Variants in KCNMB2 observed in about 807,000 individuals in gnomAD.
KCNMB2 encodes potassium calcium-activated channel subfamily M regulatory beta subunit 2.
KCNMB2 carries 9 observed loss-of-function variants against 24.5 expected under a neutral mutation model. The ratio of observed to expected loss-of-function variants is 0.37; its 90% CI spans 0.22 to 0.64. KCNMB2 has a LOEUF of 0.64. Ranked by LOEUF, KCNMB2 falls within the 30% of genes least tolerant of loss-of-function variation. The pLI is 0.63. For synonymous variants in KCNMB2, 109 were observed against 104.4 expected, an observed-to-expected ratio of 1.04 and a Z score of -0.27; for missense variants, 226 against 284.3, an observed-to-expected ratio of 0.79 and a Z score of 1.47.
chr3:178,582,670 C>G (rs1384573671), intron 1 of KCNMB2, among the ~76,000 whole-genome samples: 1 of 152,146 alleles, frequency 6.6e-6, no homozygotes, highest in Non-Finnish European at 1.5e-5. Flanking sequence ...ACATCTATCA[C>G]TAATTTTTTT....
rs1715585844 is a variant in KCNMB2, at chr3:178,540,669, C to A, written c.-68+3958C>A. Among the ~76,000 whole-genome samples, 3 of 152,230 alleles carry A rather than the reference C, an allele frequency of 2.0e-5. No homozygotes were observed. The South Asian group carries it at 6.2e-4, about 31-fold the overall frequency. ...TGCTGCCTAAAGAATTCTTCCCCTG[C>A]ATAGTCACTTGACTCAGTTCTTTAC... On this transcript the variant is annotated intron_variant, in intron 1 of 4. Transcript: ENST00000452583.
At chr3:178,705,642 G>T (rs879362099) in intron 1 of KCNMB2, among the ~76,000 whole-genome samples, 1 of 152,100 alleles carries the variant, frequency 6.6e-6, no homozygotes, top group Non-Finnish European at 1.5e-5. Context: ...TTTGCACTTT[G>T]GGAAAAACTT....
At chr3:178,688,419 T>C (rs538335701) in intron 1 of KCNMB2, among the ~76,000 whole-genome samples, 5 of 152,252 alleles carry the variant, frequency 3.3e-5, no homozygotes, top group African/African-American at 1.2e-4. Flanking sequence ...AATAAATAAC[T>C]ACCTTTTTAA....
chr3:178,837,352 C>T (rs1715271173), intron 4 of KCNMB2, among the ~76,000 whole-genome samples: 1 of 152,076 alleles, frequency 6.6e-6, no homozygotes, highest in South Asian at 2.1e-4. Context: ...CTATTAACCC[C>T]ATTATATAGT....
rs1577169370 is a variant in KCNMB2, at chr3:178,765,217, T to A, written c.-67-42126T>A. Among the ~76,000 whole-genome samples the A allele has an allele frequency of 3.3e-5, 5 of 152,228 alleles. No individual in the cohort carries two copies. The South Asian group carries it at 1.0e-3, about 32-fold the overall frequency. On this transcript the variant is annotated intron_variant, in intron 1 of 4. Coordinates refer to ENST00000452583, the MANE Select transcript of KCNMB2 (RefSeq NM_181361.3). ...TGAGACTGGGCATGGACTCCTAGAG[T>A]TCACTCGTTCTTTCCCAAAGTGCAT...
chr3:178,758,803 A>C (rs868785413), intron 1 of KCNMB2, among the ~76,000 whole-genome samples: 7 of 12,798 alleles, frequency 5.5e-4, no homozygotes, highest in Non-Finnish European at 8.2e-4. Flanking sequence ...ATATATATAT[A>C]TCTCCAAGAG....
intron 1 of KCNMB2, among the ~76,000 whole-genome samples, chr3:178,733,690 A>G (rs2108369785): frequency 6.6e-6 from 1 of 152,186 alleles, no homozygotes; most frequent in South Asian, 2.1e-4. Context: ...CATGTTAGCT[A>G]GGATGGTCTT....
chr3:178,751,121 C>T (rs1226127656), intron 1 of KCNMB2, among the ~76,000 whole-genome samples: 1 of 152,128 alleles, frequency 6.6e-6, no homozygotes, highest in Non-Finnish European at 1.5e-5. Flanking sequence ...ACTTATTCCC[C>T]ATTTATTGAG....
At chr3:178,726,229 A>G (rs972789754) in intron 1 of KCNMB2, among the ~76,000 whole-genome samples, 1 of 151,916 alleles carries the variant, frequency 6.6e-6, no homozygotes, top group Non-Finnish European at 1.5e-5. Context: ...TTCCCCCTTT[A>G]TCTTACAATT....
chr3:178,789,643 G>C (rs546880995), intron 1 of KCNMB2, among the ~76,000 whole-genome samples: 16 of 152,260 alleles, frequency 1.1e-4, no homozygotes, highest in Admixed American at 3.3e-4. Context: ...ATTCACAGCT[G>C]CCCTGTCACA....
At chr3:178,607,799 T>C (rs1177016083) in intron 1 of KCNMB2, among the ~76,000 whole-genome samples, 1 of 152,210 alleles carries the variant, frequency 6.6e-6, no homozygotes, top group African/African-American at 2.4e-5. Context: ...TTCTATGCTC[T>C]GTTATCTTGT....
chr3:178,537,493 T>C (rs551416753), intron 1 of KCNMB2: 255 of 152,350 alleles, frequency 1.7e-3, no homozygotes, highest in African/African-American at 5.7e-3. Flanking sequence ...AAAAACACAA[T>C]TCTCCTTCAA....
chr3:178,732,522 G>T (rs934199209), intron 1 of KCNMB2, among the ~76,000 whole-genome samples: 4 of 152,010 alleles, frequency 2.6e-5, no homozygotes, highest in African/African-American at 9.7e-5. Context: ...TGTGGGTTTT[G>T]TTGGTGATTT....
At chr3:178,756,134 A>C (rs577176832) in intron 1 of KCNMB2, among the ~76,000 whole-genome samples, 1 of 152,298 alleles carries the variant, frequency 6.6e-6, no homozygotes, top group East Asian at 1.9e-4. Flanking sequence ...AAAAAAGCAA[A>C]TTATAAAATT....
intron 1 of KCNMB2, chr3:178,537,451 C>CCGTTT (rs1489069607): frequency 6.6e-6 from 1 of 152,110 alleles, no homozygotes; most frequent in Non-Finnish European, 1.5e-5. Flanking sequence ...TTTTACCTTT[C>CCGTTT]TGTTTTGTTT....
chr3:178,796,779 A>G (rs1278892139), intron 1 of KCNMB2, among the ~76,000 whole-genome samples: 2 of 152,144 alleles, frequency 1.3e-5, no homozygotes, highest in African/African-American at 4.8e-5. Context: ...ATAGCAGTAA[A>G]CACCTACATC....
intron 1 of KCNMB2, among the ~76,000 whole-genome samples, chr3:178,757,338 A>C (rs1248301315): frequency 1.0e-5 from 1 of 98,258 alleles, no homozygotes; most frequent in East Asian, 2.5e-4. Context: ...ATATGTATAT[A>C]TATCCAAGAG....
chr3:178,739,150 G>A (rs1723413783), intron 1 of KCNMB2, among the ~76,000 whole-genome samples: 1 of 149,956 alleles, frequency 6.7e-6, no homozygotes, highest in South Asian at 2.1e-4. Context: ...AGAGCATAAA[G>A]AGAGGATTCA....
At chr3:178,627,429 A>G (rs1719161422) in intron 1 of KCNMB2, among the ~76,000 whole-genome samples, 1 of 152,226 alleles carries the variant, frequency 6.6e-6, no homozygotes, top group African/African-American at 2.4e-5. Context: ...GAGCCTCATT[A>G]TAAGACTGAT....
Sources: allele counts gnomAD v4.1 joint callset (sites outside exome capture counted in the v4.1 genomes callset), GRCh38; gene constraint gnomAD v4.1.1; transcripts MANE v1.5; gene names NCBI Gene and HGNC (gene_info 2026-07-23, HGNC 2026-07-21).